The following PKIB variants were observed in gnomAD, a reference collection of about 807,000 sequenced individuals.
PKIB encodes the protein cAMP-dependent protein kinase inhibitor beta.
PKIB carries 2 observed loss-of-function variants against 4.5 expected under a neutral mutation model. The ratio of observed to expected loss-of-function variants is 0.44; its 90% CI spans 0.18 to 1.39. The LOEUF is 1.39. PKIB is among the 40% of genes most tolerant of loss of function. The probability of loss-of-function intolerance (pLI) is 0.27; values close to 1 mark genes in which losing one functional copy is unlikely to be tolerated. For missense variants in PKIB, 94 were observed against 92.6 expected, an observed-to-expected ratio of 1.02 and a Z score of -0.06; for synonymous variants, 38 against 36.0, an observed-to-expected ratio of 1.06 and a Z score of -0.20.
intron 2 of PKIB, among the ~76,000 whole-genome samples, chr6:122,663,421 G>A (rs531926011): frequency 1.3e-5 from 2 of 152,192 alleles, no homozygotes; most frequent in Admixed American, 6.5e-5. Context: ...TCATCCCTAC[G>A]TGGATGTCCC....
chr6:122,487,744 T>C (rs1303799713), intron 2 of PKIB, among the ~76,000 whole-genome samples: 1 of 152,186 alleles, frequency 6.6e-6, no homozygotes, highest in Non-Finnish European at 1.5e-5. Flanking sequence ...CCTCCAGAAA[T>C]GTGAGAAACA....
At chr6:122,485,601 A>G (rs187168544) in intron 2 of PKIB, among the ~76,000 whole-genome samples, 1 of 152,318 alleles carries the variant, frequency 6.6e-6, no homozygotes, top group Non-Finnish European at 1.5e-5. Flanking sequence ...CGTGGTAAAC[A>G]AAAATCACGT....
intron 2 of PKIB, among the ~76,000 whole-genome samples, chr6:122,575,120 CACAA>C (rs1773488339): frequency 6.6e-6 from 1 of 152,020 alleles, no homozygotes; most frequent in South Asian, 2.1e-4. Flanking sequence ...AACGAAGATA[CACAA>C]ACAGCCAACA....
intron 2 of PKIB, among the ~76,000 whole-genome samples, chr6:122,492,066 C>T (rs1775947933): frequency 6.6e-6 from 1 of 152,074 alleles, no homozygotes; most frequent in Non-Finnish European, 1.5e-5. Context: ...AGGCTTAAGC[C>T]ACACATCTCA....
chr6:122,599,462 G>A (rs1213803314), intron 3 of PKIB, among the ~76,000 whole-genome samples: 1 of 152,182 alleles, frequency 6.6e-6, no homozygotes, highest in African/African-American at 2.4e-5. Context: ...CGCACGATAA[G>A]AGCTTATATC....
At position 122,690,934 on chromosome 6, in the gene PKIB, T is replaced by TC. The variant is rs1485299018; in HGVS notation, c.-9+15790_-9+15791insC. Among the ~76,000 whole-genome samples, 144 of 119,532 alleles carry TC rather than the reference T, an allele frequency of 1.2e-3. 5 individuals carry two copies. Among genetic ancestry groups the TC allele is most frequent in the African/African-American group, 1.8e-3 (58 of 31,604 alleles). The allele number at this position is 119,532 out of a possible 152,430, so 78.4% of individuals were successfully genotyped here. A position where few individuals can be genotyped will look rare whatever the true frequency, so the allele number is the denominator to read the frequency against. On this transcript the variant is annotated intron_variant, in intron 3 of 4. Transcript: ENST00000368452. ...TTGAAGGATATATATATATATATAT[T>TC]TTTTTTTTTTTTTGCCAAATATACT... is the stretch of plus-strand genomic sequence containing the variant.
At chr6:122,568,216 A>G (rs1374361639) in intron 2 of PKIB, among the ~76,000 whole-genome samples, 2 of 152,202 alleles carry the variant, frequency 1.3e-5, no homozygotes, top group Non-Finnish European at 2.9e-5. Context: ...ATTACTGACA[A>G]TGTTTACTTG....
At chr6:122,597,501 C>A (rs887386113) in intron 3 of PKIB, among the ~76,000 whole-genome samples, 1 of 152,188 alleles carries the variant, frequency 6.6e-6, no homozygotes, top group Non-Finnish European at 1.5e-5. Flanking sequence ...GGGGTCACCA[C>A]TTGGTCAAGC....
chr6:122,503,026 C>T lies in PKIB; in HGVS notation c.-248+25087C>T, dbSNP rs75502458. Among the ~76,000 whole-genome samples, 121 of 152,232 alleles carry T rather than the reference C, an allele frequency of 7.9e-4. 1 individual carries two copies. In the East Asian group the frequency reaches 0.022, roughly 28 times the overall value. On this transcript the variant is annotated intron_variant, in intron 2 of 6. Transcript: ENST00000392491. ...TTAGTGTCTGGTGATGGCCTAATTC[C>T]TGCTTCATATGCGGTCTTCTCTCTG...
chr6:122,609,880 T>A (rs1774675666), upstream of PKIB, among the ~76,000 whole-genome samples: 1 of 152,232 alleles, frequency 6.6e-6, no homozygotes, highest in Non-Finnish European at 1.5e-5. Flanking sequence ...TAAAATAATC[T>A]GTTAACAAAC....
intron 3 of PKIB, chr6:122,701,131 G>T: frequency 4.3e-6 from 1 of 234,896 alleles, no homozygotes; most frequent in Non-Finnish European, 8.3e-6. Flanking sequence ...GCAAGCAATA[G>T]CAGCTCAGGA....
At chr6:122,614,517 A>C (rs1774904785) in intron 1 of PKIB, among the ~76,000 whole-genome samples, 2 of 151,422 alleles carry the variant, frequency 1.3e-5, no homozygotes, top group South Asian at 4.2e-4. Flanking sequence ...GTGTGGGAGT[A>C]AGCATCCCCA....
At chr6:122,660,134 G>A (rs1360921604) in intron 2 of PKIB, among the ~76,000 whole-genome samples, 2 of 152,228 alleles carry the variant, frequency 1.3e-5, no homozygotes, top group Non-Finnish European at 2.9e-5. Flanking sequence ...GAACACAGCA[G>A]AGCCTGGTGG....
At chr6:122,677,878 CCTTCCTTCCTTCCTTT>C (rs755086816) in intron 3 of PKIB, among the ~76,000 whole-genome samples, 34,657 of 105,076 alleles carry the variant, frequency 0.33, 4,729 homozygotes, top group Admixed American at 0.44. Flanking sequence ...TTCCTTCCTT[CCTTCCTTCCTTCCTTT>C]CTTTCTTTCT....
Position 122,524,689 on chromosome 6 carries a change from C to T in PKIB, c.-248+46750C>T, listed in dbSNP as rs149511710. On this transcript the variant is annotated intron_variant, in intron 2 of 6. Transcript: ENST00000392491. ...GGCCTGTTCAGATTTTCTATTTCTT[C>T]ATGAGTCAGTCTTAGTAGTTTTTAT... 2.9e-3 allele frequency among the ~76,000 whole-genome samples: 442 copies of T among 152,144 alleles called. 2 individuals carry two copies. Among genetic ancestry groups the T allele is most frequent in the African/African-American group, 9.6e-3 (398 of 41,544 alleles).
chr6:122,716,913 T>C (rs1779521680), intron 3 of PKIB, among the ~76,000 whole-genome samples: 1 of 152,198 alleles, frequency 6.6e-6, no homozygotes, highest in South Asian at 2.1e-4. Flanking sequence ...AAGTATACCA[T>C]ACGTCTGTAC....
intron 1 of PKIB, among the ~76,000 whole-genome samples, chr6:122,614,874 A>G (rs1470137338): frequency 1.3e-5 from 2 of 152,180 alleles, no homozygotes; most frequent in Admixed American, 6.5e-5. Context: ...AGTTTATTTT[A>G]TATTTTAAAA....
At chr6:122,564,973 C>G (rs1365619936) in intron 2 of PKIB, among the ~76,000 whole-genome samples, 1 of 152,136 alleles carries the variant, frequency 6.6e-6, no homozygotes, top group Non-Finnish European at 1.5e-5. Flanking sequence ...AAACTGAGAC[C>G]ATGTTGAGCA....
rs887583146 is a variant in PKIB at position 122,584,561 on chromosome 6, A to G, written c.-247-1360A>G. ...TATAAGAAATACGCAAAAATTAAGT[A>G]AAGAAATAGGTCTCAGAGATTATTA... On this transcript the variant is annotated intron_variant, in intron 2 of 6. Coordinates refer to the PKIB transcript ENST00000392491. Among the ~76,000 whole-genome samples the G allele has an allele frequency of 2.0e-5, 3 of 152,248 alleles. No individual in the cohort carries two copies. The East Asian group carries it at 5.8e-4, about 29-fold the overall frequency.
Sources: allele counts gnomAD v4.1 joint callset (sites outside exome capture counted in the v4.1 genomes callset), GRCh38; gene constraint gnomAD v4.1.1; transcripts MANE v1.5; gene names NCBI Gene and HGNC (gene_info 2026-07-23, HGNC 2026-07-21).